HMCN2: variants seen among roughly 807,000 people sequenced by gnomAD.
The protein encoded by HMCN2 is hemicentin 2, also known as hemicentin-2.
A neutral mutation model predicts 377.5 loss-of-function variants in HMCN2; 325 were observed. The observed-to-expected ratio is 0.86, with a 90% CI of 0.79 to 0.94. The LOEUF (loss-of-function observed/expected upper bound fraction) is 0.94, where lower values mean the gene tolerates loss of function less well. Ranked by LOEUF, HMCN2 falls within the 40% of genes least tolerant of loss-of-function variation. The pLI is 0.00. For synonymous variants in HMCN2, 2,007 were observed against 2,046.8 expected (o/e 0.98, Z 0.53); for missense variants, 4,543 against 4,725.3 (o/e 0.96, Z 1.13).
At chr9:130,269,266 CTT>C (rs56326154) in intron 1 of HMCN2, among the ~76,000 whole-genome samples, 49,300 of 116,210 alleles carry the variant, frequency 0.42, 10,822 homozygotes, top group East Asian at 0.77. Flanking sequence ...GCCCTGGTTC[CTT>C]TTTTTTTTTT....
intron 82 of HMCN2, 136 bp from the exon 83 acceptor site, chr9:130,407,435 T>C: frequency 1.4e-6 from 1 of 698,444 alleles, no homozygotes; most frequent in South Asian, 1.8e-5. Flanking sequence ...CCCAGGAACG[T>C]GTCTGATTTG....
chr9:130,349,646 G>A lies in HMCN2; in HGVS notation c.4413G>A (p.Glu1471=). The A allele has an allele frequency of 1.5e-6, 2 of 1,304,004 alleles. No homozygotes were observed. The highest frequency in any genetic ancestry group is 1.2e-5 in the South Asian group (1 of 81,004). The allele number at this position is 1,304,004 out of a possible 1,614,324, so 80.8% of individuals were successfully genotyped here. A position where few individuals can be genotyped will look rare whatever the true frequency, so the allele number is the denominator to read the frequency against. Residue 1471 remains glutamate (E), a synonymous_variant, in exon 29 of 98, where the codon GAG becomes GAA. Transcript: ENST00000683500. ...CAGGGGTCCCCACGCCCCAGGTGGA[G>A]TGGACCAAGGACAGGCAGTGAGTGC... ...WTSGVPTPQV[E]WTKDRQPVLP...
intron 4 of HMCN2, among the ~76,000 whole-genome samples, chr9:130,290,880 AC>A (rs555298122): frequency 0.013 from 1,684 of 133,772 alleles, 19 homozygotes; most frequent in African/African-American, 0.043. Flanking sequence ...AAAAAAAAAA[AC>A]AAAAACCCAA....
Position 130,305,876 on chromosome 9 carries a change from A to G in HMCN2, c.1817-253A>G, listed in dbSNP as rs532923965. ...GCGCTCAGCCTGGAGTGGACGTTCT[A>G]GGAGCACAGGGCTCCGGGTTGGGAT... On this transcript the variant is annotated intron_variant, in intron 11 of 97. Coordinates refer to ENST00000683500, the MANE Select transcript of HMCN2 (RefSeq NM_001291815.2). Among the ~76,000 whole-genome samples, 7 of 152,286 alleles carry G rather than the reference A, an allele frequency of 4.6e-5. No homozygotes were observed. In the Middle Eastern group the frequency reaches 0.01, roughly 222 times the overall value.
intron 15 of HMCN2, among the ~76,000 whole-genome samples, chr9:130,313,044 T>C (rs1837351378): frequency 6.6e-6 from 1 of 152,174 alleles, no homozygotes; most frequent in South Asian, 2.1e-4. Flanking sequence ...TGGAGCCATG[T>C]CCCTGTGGCA....
chr9:130,331,578 C>T (rs1351567111), intron 22 of HMCN2, among the ~76,000 whole-genome samples: 1 of 151,886 alleles, frequency 6.6e-6, no homozygotes, highest in Non-Finnish European at 1.5e-5. Flanking sequence ...CACCCCAGCT[C>T]GCCCGGTGAC....
chr9:130,387,468 A>C (rs1842088029), intron 61 of HMCN2, among the ~76,000 whole-genome samples: 1 of 152,170 alleles, frequency 6.6e-6, no homozygotes, highest in Non-Finnish European at 1.5e-5. Flanking sequence ...GGGACACGGC[A>C]TCGTGTCCTG....
At chr9:130,270,186 A>G (rs1834340682) in intron 1 of HMCN2, among the ~76,000 whole-genome samples, 1 of 144,852 alleles carries the variant, frequency 6.9e-6, no homozygotes, top group Non-Finnish European at 1.5e-5. Flanking sequence ...TGTAATTCTT[A>G]GAAGTTTTGA....
In HMCN2 at chr9:130,279,826, G is replaced by C. The variant is rs547440958; in HGVS notation, c.260-4777G>C. Among the ~76,000 whole-genome samples, 9 of 152,344 alleles carry C rather than the reference G, an allele frequency of 5.9e-5. No individual in the cohort carries two copies. In the South Asian group the frequency reaches 1.7e-3, roughly 28 times the overall value. On this transcript the variant is annotated intron_variant, in intron 1 of 97. Coordinates refer to ENST00000683500, the MANE Select transcript of HMCN2 (RefSeq NM_001291815.2). The stretch of plus-strand genomic sequence containing the variant: ...ATGTGTGACCTGCCATGGTGAAAGG[G>C]ACTTTGCAGGTGTGACAAAGTCACG...
rs1842476228 is a variant in HMCN2 at position 130,394,064 on chromosome 9, C to G, written c.10501+56C>G. On this transcript the variant is annotated intron_variant, in intron 68 of 97. Transcript: ENST00000683500. The surrounding 1 kb of genome is among the most constrained non-coding windows in gnomAD (Gnocchi z 5.1). ...TGGGCTCGGGGGAGAGGGTGGGACT[C>G]TAGGGGCAATGGGAAGGACAGTGAG... 1 of 1,188,148 alleles carries G rather than the reference C, an allele frequency of 8.4e-7. No homozygotes were observed. Among genetic ancestry groups the G allele is most frequent in the South Asian group, 1.5e-5 (1 of 64,928 alleles). The allele number at this position is 1,188,148 out of a possible 1,614,324, so 73.6% of individuals were successfully genotyped here.
intron 36 of HMCN2, 22 bp from the exon 37 acceptor site, chr9:130,359,297 G>A (rs899933557): frequency 5.5e-6 from 7 of 1,278,584 alleles, no homozygotes; most frequent in Non-Finnish European, 6.2e-6. Flanking sequence ...ACCAAGCTGG[G>A]TCTCTCCTTG....
chr9:130,271,342 T>G (rs559955038), intron 1 of HMCN2, among the ~76,000 whole-genome samples: 1 of 148,472 alleles, frequency 6.7e-6, no homozygotes, highest in South Asian at 2.2e-4. Context: ...GGTGGGGGAG[T>G]ATCTATCTAC....
At chr9:130,408,993 A>G (rs372037006) in intron 84 of HMCN2, 60 bp downstream of exon 84, 1 of 1,139,454 alleles carries the variant, frequency 8.8e-7, no homozygotes. Context: ...GCTTTTTCAG[A>G]TTGTTCAAGA....
In HMCN2 at chr9:130,392,033, C is replaced by G. The variant is rs979843217; in HGVS notation, c.10051C>G (p.Pro3351Ala). 6.1e-6 allele frequency: 6 copies of G among 988,290 alleles called. No homozygotes were observed. In the Admixed American group the frequency reaches 3.7e-4, roughly 61 times the overall value. The allele number at this position is 988,290 out of a possible 1,614,324, so 61.2% of individuals were successfully genotyped here. ...GGTGTGCCCTGTGCGGGGCTCCCCG[C>G]CCATCCACGTGAGCTGGCTCAAGGA... ...TMVCPVRGSPPIHVSWLKDGL... is the reference protein window; with the variant it reads ...TMVCPVRGSPAIHVSWLKDGL... The change falls in exon 66 of 98, where the codon CCC becomes GCC. Residue 3351 changes from proline to alanine, a missense_variant. Coordinates refer to ENST00000683500, the MANE Select transcript of HMCN2 (RefSeq NM_001291815.2).
rs1413323011 is a variant in HMCN2 at position 130,393,830 on chromosome 9, C to T, written c.10323C>T (p.Gly3441=). 2.2e-5 allele frequency: 29 copies of T among 1,288,998 alleles called. 2 individuals carry two copies. The South Asian group carries it at 3.1e-4, about 14-fold the overall frequency. The allele number at this position is 1,288,998 out of a possible 1,614,324, so 79.8% of individuals were successfully genotyped here. ...SLVELPCEAR[G]VPLPLVSWMK... is the part of the protein sequence containing the mutation. The stretch of plus-strand genomic sequence containing the variant: ...TGGAACTCCCGTGCGAGGCCCGGGG[C>T]GTTCCCCTGCCTCTCGTGTCGTGGA... The change falls in exon 68 of 98, where the codon GGC becomes GGT. Residue 3441 remains glycine (G), a synonymous_variant. Coordinates refer to ENST00000683500, the MANE Select transcript of HMCN2 (RefSeq NM_001291815.2). This position sits in a 1 kb window ranked among gnomAD's most constrained non-coding sequence, Gnocchi z 5.2.
chr9:130,433,836 C>T lies in HMCN2; in HGVS notation c.*143C>T, dbSNP rs1257196720. ...TCAGCGAGACCTTGGGTCAACACGA[C>T]CCTGCGCACAGCCTTGACCCCCGAC... On this transcript the variant is annotated 3_prime_UTR_variant, in exon 98 of 98. Coordinates refer to ENST00000683500, the MANE Select transcript of HMCN2 (RefSeq NM_001291815.2). 9 of 689,584 alleles carry T rather than the reference C, an allele frequency of 1.3e-5. No homozygotes were observed. Among genetic ancestry groups the T allele is most frequent in the Non-Finnish European group, 2.0e-5 (9 of 449,270 alleles). 42.7% of individuals were successfully genotyped at this position (689,584 alleles called of 1,614,324 possible).
At position 130,349,683 on chromosome 9, in the gene HMCN2, AG is replaced by A. The variant is rs1490720841; in HGVS notation, c.4430+22del. Reference sequence around the variant, plus strand: ...CAGGCAGTGAGTGCCCCCCTCCCCGAGGATGGCGTGTGGTGGTGCCCAGACT... The same window carrying A: ...CAGGCAGTGAGTGCCCCCCTCCCCGAGATGGCGTGTGGTGGTGCCCAGACT... On this transcript the variant is annotated intron_variant, in intron 29 of 97. Coordinates refer to ENST00000683500, the MANE Select transcript of HMCN2 (RefSeq NM_001291815.2). The A allele has an allele frequency of 3.0e-5, 39 of 1,298,988 alleles. No homozygotes were observed. The highest frequency in any genetic ancestry group is 4.0e-5 in the Non-Finnish European group (39 of 985,432). The allele number at this position is 1,298,988 out of a possible 1,614,324, so 80.5% of individuals were successfully genotyped here.
rs981167033 is a variant in HMCN2, at chr9:130,304,812, C to A, written c.1626C>A (p.Gly542=). The A allele has an allele frequency of 1.9e-5, 9 of 471,046 alleles. No individual in the cohort carries two copies. Among genetic ancestry groups the A allele is most frequent in the Middle Eastern group, 6.5e-4 (2 of 3,074 alleles). The allele number at this position is 471,046 out of a possible 1,614,324, so 29.2% of individuals were successfully genotyped here. The change falls in exon 11 of 98, where the codon GGC becomes GGA. Residue 542 remains glycine (G), a synonymous_variant. Transcript: ENST00000683500. The surrounding 1 kb of genome is among the most constrained non-coding windows in gnomAD (Gnocchi z 4.3). ...CCGTCCTATCCTGCCGGGTCCTAGG[C>A]GAGGCCCCCTACAACCTGACGTGGG... ...ETAVLSCRVL[G]EAPYNLTWVR... is the part of the protein sequence containing the mutation.
chr9:130,268,421 C>T (rs1834236597), intron 1 of HMCN2, among the ~76,000 whole-genome samples: 1 of 124,770 alleles, frequency 8.0e-6, no homozygotes, highest in Non-Finnish European at 2.0e-5. Flanking sequence ...AGCCCTTGAT[C>T]TGTGTAGAGC....
Sources: gnomAD v4.1 joint callset for allele counts (sites outside exome capture counted in the v4.1 genomes callset) on GRCh38, gnomAD v4.1.1 for gene constraint, Gnocchi (gnomAD v3.1) non-coding constraint, MANE v1.5 for transcripts, NCBI Gene and HGNC (gene_info 2026-07-23, HGNC 2026-07-21) for gene names.